ROBO1: variants seen among roughly 807,000 people sequenced by gnomAD.
The protein encoded by ROBO1 is roundabout homolog 1.
Under a neutral mutation model 195.9 loss-of-function variants are expected in ROBO1, and 149 were observed. The observed-to-expected ratio is 0.76, with a 90% CI of 0.67 to 0.87. The LOEUF is 0.87. Among genes scored for constraint, ROBO1 ranks in the 40% least tolerant of loss-of-function variants. The pLI is 0.00. For synonymous variants in ROBO1, 816 were observed against 733.2 expected (o/e 1.11, Z -1.82); for missense variants, 1,933 against 2,068.3 (o/e 0.93, Z 1.27).
At chr3:79,012,530 C>A (rs1279803133) in intron 3 of ROBO1, among the ~76,000 whole-genome samples, 1 of 152,182 alleles carries the variant, frequency 6.6e-6, no homozygotes, top group Admixed American at 6.5e-5. Context: ...CGGCTCTAAG[C>A]CATGGACAGC....
At chr3:78,651,313 T>G (rs949487715) in intron 19 of ROBO1, among the ~76,000 whole-genome samples, 6 of 152,154 alleles carry the variant, frequency 3.9e-5, no homozygotes, top group African/African-American at 1.4e-4. Flanking sequence ...CGGCAGTATT[T>G]TCTATTTTGC....
intron 2 of ROBO1, among the ~76,000 whole-genome samples, chr3:79,204,890 TTTTTTGTTTTTG>T (rs543259409): frequency 5.4e-4 from 82 of 152,198 alleles, no homozygotes; most frequent in Admixed American, 5.9e-4. Flanking sequence ...GGTTACGTCT[TTTTTTGTTTTTG>T]TTTTTGTTTT....
chr3:79,286,343 T>G (rs1347109576), intron 2 of ROBO1, among the ~76,000 whole-genome samples: 1 of 152,236 alleles, frequency 6.6e-6, no homozygotes, highest in African/African-American at 2.4e-5. Flanking sequence ...GAAGCATATT[T>G]GTCCCATATC....
In ROBO1 at chr3:78,999,974, T is replaced by C. The variant is rs537729325; in HGVS notation, c.173-61047A>G. Reference sequence around the variant, plus strand: ...TTCCCTTCTTGCACTTCTATTACCATGTGGGTGTGTGTTCATCATATTCTA... The same window carrying C: ...TTCCCTTCTTGCACTTCTATTACCACGTGGGTGTGTGTTCATCATATTCTA... On this transcript the variant is annotated intron_variant, in intron 3 of 30. Transcript: ENST00000464233. Among the ~76,000 whole-genome samples, 13 of 152,288 alleles carry C rather than the reference T, an allele frequency of 8.5e-5. No homozygotes were observed. The South Asian group carries it at 2.3e-3, about 27-fold the overall frequency.
chr3:78,624,215 T>C (rs935108164), intron 26 of ROBO1, among the ~76,000 whole-genome samples: 13 of 152,326 alleles, frequency 8.5e-5, no homozygotes, highest in African/African-American at 2.4e-4. Context: ...AGGATCTTTA[T>C]TGAGGTCTTC....
At chr3:78,806,223 T>G (rs1198815425) in intron 4 of ROBO1, among the ~76,000 whole-genome samples, 1 of 152,080 alleles carries the variant, frequency 6.6e-6, no homozygotes, top group East Asian at 1.9e-4. Context: ...ATTCTCCCCC[T>G]TGAGCCTCCC....
chr3:78,871,759 A>G (rs1380816419), intron 4 of ROBO1, among the ~76,000 whole-genome samples: 1 of 151,520 alleles, frequency 6.6e-6, no homozygotes, highest in South Asian at 2.1e-4. Context: ...AAAAAAAAAA[A>G]AAGAATTTGT....
chr3:79,145,683 T>TG (rs2080633932), intron 2 of ROBO1, among the ~76,000 whole-genome samples: 1 of 151,992 alleles, frequency 6.6e-6, no homozygotes, highest in South Asian at 2.1e-4. Flanking sequence ...AGACTATTGA[T>TG]GGGGGTCAGA....
chr3:79,491,011 T>A (rs1274928915), intron 2 of ROBO1, among the ~76,000 whole-genome samples: 28 of 152,100 alleles, frequency 1.8e-4, no homozygotes, highest in Non-Finnish European at 2.1e-4. Flanking sequence ...AAAGTGTCTC[T>A]ATGGTAAATT....
At chr3:79,296,775 A>T (rs148973109) in intron 2 of ROBO1, among the ~76,000 whole-genome samples, 2 of 152,208 alleles carry the variant, frequency 1.3e-5, no homozygotes, top group African/African-American at 4.8e-5. Flanking sequence ...GAAACCCGTG[A>T]TAAGTGCAGA....
intron 14 of ROBO1, among the ~76,000 whole-genome samples, chr3:78,666,778 A>C (rs1707762029): frequency 6.6e-6 from 1 of 152,212 alleles, no homozygotes; most frequent in Non-Finnish European, 1.5e-5. Flanking sequence ...AAGTAACAAA[A>C]CAGCAACATG....
intron 3 of ROBO1, among the ~76,000 whole-genome samples, chr3:78,949,675 C>T (rs1270462868): frequency 4.6e-5 from 7 of 151,956 alleles, no homozygotes; most frequent in Non-Finnish European, 1.0e-4. Context: ...TCTAATTAAA[C>T]TAAAGAGCTT....
At chr3:79,447,890 T>C (rs2039317256) in intron 2 of ROBO1, among the ~76,000 whole-genome samples, 1 of 152,170 alleles carries the variant, frequency 6.6e-6, no homozygotes, top group Non-Finnish European at 1.5e-5. Context: ...ACCCATCTAT[T>C]ACTGATGCTG....
intron 3 of ROBO1, among the ~76,000 whole-genome samples, chr3:78,953,427 C>T (rs1194297913): frequency 6.6e-6 from 1 of 151,964 alleles, no homozygotes; most frequent in East Asian, 1.9e-4. Flanking sequence ...CCAATTTATC[C>T]ATTAGTTGTT....
intron 2 of ROBO1, among the ~76,000 whole-genome samples, chr3:79,544,007 C>T (rs1942172559): frequency 6.6e-6 from 1 of 151,970 alleles, no homozygotes; most frequent in Admixed American, 6.6e-5. Flanking sequence ...TAATTTCACA[C>T]CATAAAAGTG....
chr3:79,355,652 G>A (rs989592675), intron 2 of ROBO1, among the ~76,000 whole-genome samples: 9 of 152,006 alleles, frequency 5.9e-5, no homozygotes, highest in Non-Finnish European at 8.8e-5. Context: ...ATTTGTAAAC[G>A]GTGCCCTATT....
intron 3 of ROBO1, among the ~76,000 whole-genome samples, chr3:78,980,817 A>C (rs1018504417): frequency 1.3e-5 from 2 of 152,210 alleles, no homozygotes; most frequent in African/African-American, 4.8e-5. Flanking sequence ...ACCCCTGGTA[A>C]ATACAGCTAA....
At chr3:79,057,252 G>C (rs2078829118) in intron 3 of ROBO1, among the ~76,000 whole-genome samples, 1 of 151,972 alleles carries the variant, frequency 6.6e-6, no homozygotes, top group African/African-American at 2.4e-5. Context: ...GTTAATTTCT[G>C]TAATTACTGC....
chr3:78,602,413 C>G (rs1703231388), intron 29 of ROBO1, among the ~76,000 whole-genome samples: 1 of 152,128 alleles, frequency 6.6e-6, no homozygotes, highest in Non-Finnish European at 1.5e-5. Flanking sequence ...ACCATGTTTC[C>G]TATAAAGGCT....
Sources: gnomAD v4.1 joint callset for allele counts (sites outside exome capture counted in the v4.1 genomes callset) on GRCh38, gnomAD v4.1.1 for gene constraint, MANE v1.5 for transcripts, NCBI Gene and HGNC (gene_info 2026-07-23, HGNC 2026-07-21) for gene names.